The following AKT3 variants were observed in gnomAD, a reference collection of about 807,000 sequenced individuals.
AKT3 encodes the protein RAC-gamma serine/threonine-protein kinase.
Under a neutral mutation model 65.3 loss-of-function variants are expected in AKT3, and 15 were observed. That is an observed-to-expected ratio of 0.23 (90% CI 0.15 to 0.35). The LOEUF (loss-of-function observed/expected upper bound fraction) is 0.35. Among genes scored for constraint, AKT3 ranks in the 10% least tolerant of loss-of-function variants. AKT3 has a pLI of 1.00. For missense variants in AKT3, 243 were observed against 576.5 expected, an observed-to-expected ratio of 0.42 and a Z score of 5.92; for synonymous variants, 206 against 183.8, an observed-to-expected ratio of 1.12 and a Z score of -0.98.
rs576004366 is a variant in AKT3, at chr1:243,692,567, T to C, written c.172+3024A>G. 3.5e-3 allele frequency among the ~76,000 whole-genome samples: 531 copies of C among 149,916 alleles called. 2 individuals are homozygous for C. Among genetic ancestry groups the C allele is most frequent in the African/African-American group, 0.013 (514 of 40,592 alleles). ...GGCCAACATGGTGAAACCCCATCTC[T>C]ACTAAAAAAAAAATACAAAAATTAG... On this transcript the variant is annotated intron_variant, in intron 3 of 13. Coordinates refer to ENST00000673466, the MANE Select transcript of AKT3 (RefSeq NM_005465.7).
intron 6 of AKT3, among the ~76,000 whole-genome samples, chr1:243,617,037 T>C (rs1209951524): frequency 2.0e-5 from 3 of 152,144 alleles, no homozygotes; most frequent in African/African-American, 7.2e-5. Context: ...CCTAACATAA[T>C]GGTAAGCATA....
intron 2 of AKT3, among the ~76,000 whole-genome samples, chr1:243,708,613 C>T (rs1162775714): frequency 6.6e-6 from 1 of 151,876 alleles, no homozygotes; most frequent in Non-Finnish European, 1.5e-5. Context: ...ACCAAGGCAT[C>T]AGGAAGGAAA....
chr1:243,693,961 C>T (rs1684891102), intron 3 of AKT3, among the ~76,000 whole-genome samples: 1 of 152,142 alleles, frequency 6.6e-6, no homozygotes, highest in Non-Finnish European at 1.5e-5. Flanking sequence ...AATAAGCTGA[C>T]TGTCAGTCAC....
chr1:243,681,628 G>A (rs1683925658), intron 3 of AKT3, among the ~76,000 whole-genome samples: 1 of 152,132 alleles, frequency 6.6e-6, no homozygotes, highest in African/African-American at 2.4e-5. Flanking sequence ...TGGGTGATAC[G>A]TGGCATAGCA....
intron 3 of AKT3, among the ~76,000 whole-genome samples, chr1:243,691,286 T>C (rs956732210): frequency 8.5e-5 from 13 of 152,204 alleles, no homozygotes; most frequent in African/African-American, 3.1e-4. Context: ...AGAGAGATCC[T>C]GCAAGAGTTG....
intron 12 of AKT3, among the ~76,000 whole-genome samples, chr1:243,538,778 T>C (rs1672099251): frequency 6.6e-6 from 1 of 151,778 alleles, no homozygotes; most frequent in South Asian, 2.1e-4. Context: ...AGAGGATTGC[T>C]TGAGCCCAGG....
intron 2 of AKT3, among the ~76,000 whole-genome samples, chr1:243,832,760 G>A (rs1694620598): frequency 6.6e-6 from 1 of 152,146 alleles, no homozygotes; most frequent in African/African-American, 2.4e-5. Context: ...AAGTGAGAGG[G>A]AGATCTCAGT....
chr1:243,640,847 T>C (rs1449707910), intron 5 of AKT3, among the ~76,000 whole-genome samples: 1 of 152,178 alleles, frequency 6.6e-6, no homozygotes, highest in African/African-American at 2.4e-5. Context: ...AGGTAGTTTG[T>C]TCCACAGCGT....
At chr1:243,570,197 C>T (rs925046239) in intron 9 of AKT3, among the ~76,000 whole-genome samples, 3 of 152,098 alleles carry the variant, frequency 2.0e-5, no homozygotes, top group South Asian at 2.1e-4. Flanking sequence ...AATGAGACAG[C>T]GGCAAACGGG....
At chr1:243,629,517 G>T (rs1028381196) in intron 6 of AKT3, among the ~76,000 whole-genome samples, 6 of 152,094 alleles carry the variant, frequency 3.9e-5, no homozygotes, top group Non-Finnish European at 8.8e-5. Context: ...TATTGGCCGG[G>T]CACAGTGGCT....
intron 12 of AKT3, among the ~76,000 whole-genome samples, chr1:243,537,591 C>CA (rs1195915404): frequency 6.6e-6 from 1 of 152,198 alleles, no homozygotes; most frequent in Non-Finnish European, 1.5e-5. Context: ...GCAGTAGTCT[C>CA]TTAATGAGAT....
intron 2 of AKT3, among the ~76,000 whole-genome samples, chr1:243,799,895 G>C (rs769508106): frequency 1.3e-5 from 2 of 152,134 alleles, no homozygotes; most frequent in Non-Finnish European, 2.9e-5. Flanking sequence ...ATAGTGAAAA[G>C]AAAAATATTT....
intron 2 of AKT3, among the ~76,000 whole-genome samples, chr1:243,809,951 T>C (rs1181995625): frequency 1.3e-5 from 2 of 151,966 alleles, no homozygotes; most frequent in South Asian, 2.1e-4. Flanking sequence ...CATAACGAAA[T>C]GAAGGCAGAA....
intron 2 of AKT3, among the ~76,000 whole-genome samples, chr1:243,825,263 A>G (rs1268387459): frequency 6.6e-6 from 1 of 152,126 alleles, no homozygotes; most frequent in Non-Finnish European, 1.5e-5. Context: ...GGATGAGGGG[A>G]GAAAGAGCAT....
At chr1:243,726,958 C>A (rs559011384) in intron 2 of AKT3, among the ~76,000 whole-genome samples, 1 of 152,162 alleles carries the variant, frequency 6.6e-6, no homozygotes, top group Non-Finnish European at 1.5e-5. Flanking sequence ...CAATAGGTGG[C>A]CTAGCCAAGG....
At chr1:243,790,223 A>G (rs1691529739) in intron 2 of AKT3, among the ~76,000 whole-genome samples, 1 of 152,320 alleles carries the variant, frequency 6.6e-6, no homozygotes, top group Non-Finnish European at 1.5e-5. Context: ...TCTTCACCAA[A>G]TAGAAGAGTG....
In AKT3 at chr1:243,701,434, C is replaced by G. The variant is rs116660276; in HGVS notation, c.47-5718G>C. Among the ~76,000 whole-genome samples the G allele has an allele frequency of 5.8e-3, 881 of 152,262 alleles. 7 individuals carry two copies. Among genetic ancestry groups the G allele is most frequent in the African/African-American group, 0.02 (821 of 41,554 alleles). On this transcript the variant is annotated intron_variant, in intron 2 of 13. Transcript: ENST00000673466. ...TTGAGAATACTGCAGAAATACTCAT[C>G]TCTACCTTCAACTGTCATGGACTAT... is the stretch of plus-strand genomic sequence containing the variant.
At chr1:243,829,025 A>G (rs1034627181) in intron 2 of AKT3, among the ~76,000 whole-genome samples, 2 of 152,234 alleles carry the variant, frequency 1.3e-5, no homozygotes, top group African/African-American at 4.8e-5. Flanking sequence ...CAATGTTTAC[A>G]CAGAATAAAG....
At chr1:243,667,130 G>T (rs1682842821) in intron 3 of AKT3, among the ~76,000 whole-genome samples, 1 of 152,164 alleles carries the variant, frequency 6.6e-6, no homozygotes, top group Admixed American at 6.5e-5. Context: ...GGTAAAGTAA[G>T]ACATCGTTAC....
Sources: allele counts gnomAD v4.1 joint callset (sites outside exome capture counted in the v4.1 genomes callset), GRCh38; gene constraint gnomAD v4.1.1; transcripts MANE v1.5; gene names NCBI Gene and HGNC (gene_info 2026-07-23, HGNC 2026-07-21).